GPR89B: variants seen among roughly 807,000 people sequenced by gnomAD.
GPR89B encodes G protein-coupled receptor 89B.
A neutral mutation model predicts 52.4 loss-of-function variants in GPR89B; 25 were observed. That is an observed-to-expected ratio of 0.48 (90% confidence interval 0.35 to 0.67). The LOEUF (loss-of-function observed/expected upper bound fraction) is 0.67, where lower values mean the gene tolerates loss of function less well. Among genes scored for constraint, GPR89B ranks in the 30% least tolerant of loss-of-function variants. The pLI is 0.01. For missense variants in GPR89B, 146 were observed against 450.2 expected (o/e 0.32, Z 6.11); for synonymous variants, 52 against 151.2 (o/e 0.34, Z 4.81).
At chr1:147,991,580 T>C (rs1357510680) in intron 12 of GPR89B, among the ~76,000 whole-genome samples, 1 of 152,164 alleles carries the variant, frequency 6.6e-6, no homozygotes, top group Non-Finnish European at 1.5e-5. Flanking sequence ...ATATTGGCTG[T>C]GGGTTTGTCA....
At chr1:147,994,325 G>C, downstream of GPR89B, 1 of 1,534,148 alleles carries the variant, frequency 6.5e-7, no homozygotes, top group South Asian at 1.1e-5. Context: ...CTTCAGAATT[G>C]GAAGAAGAAT....
intron 10 of GPR89B, among the ~76,000 whole-genome samples, chr1:147,977,332 T>A (rs1657919256): frequency 6.6e-6 from 1 of 151,108 alleles, no homozygotes; most frequent in African/African-American, 2.4e-5. Context: ...GCACTGTTAG[T>A]CTGATGGACT....
chr1:148,017,775 T>TA, the GPR89B span, among the ~76,000 whole-genome samples: 1 of 150,716 alleles, frequency 6.6e-6, no homozygotes, highest in Non-Finnish European at 1.5e-5. Flanking sequence ...TAAAATAAAA[T>TA]AAAGTTAACA....
chr1:148,015,293 A>ATCTCCCTCTC, the GPR89B span, among the ~76,000 whole-genome samples: 125 of 69,872 alleles, frequency 1.8e-3, 2 homozygotes, highest in South Asian at 0.011. Context: ...GGATTCTAGG[A>ATCTCCCTCTC]TCTCTCTCTC....
intron 9 of GPR89B, chr1:147,969,273 T>A (rs1366342996): frequency 5.0e-6 from 2 of 402,926 alleles, no homozygotes; most frequent in African/African-American, 4.1e-5. Flanking sequence ...TACTTTTTAT[T>A]CCTTTATAAG....
chr1:148,014,298 ATCTG>A, the GPR89B span: 1 of 151,886 alleles, frequency 6.6e-6, no homozygotes, highest in Non-Finnish European at 1.5e-5. Flanking sequence ...GAGAGCTCAC[ATCTG>A]TCTGTTCGTA....
At chr1:147,930,766 G>T (rs1259119743) in intron 1 of GPR89B, among the ~76,000 whole-genome samples, 1 of 151,758 alleles carries the variant, frequency 6.6e-6, no homozygotes, top group Non-Finnish European at 1.5e-5. Flanking sequence ...TTATTGATGG[G>T]ACCCTGGCTC....
chr1:147,988,419 GT>G lies in GPR89B; in HGVS notation c.1006-11del. On this transcript the variant is annotated splice_polypyrimidine_tract_variant and intron_variant, in intron 11 of 13. Transcript: ENST00000314163. ...AGAGATTTAGCAGATATTTTTTCTT[GT>G]TATGGTGGCAGGTGAAGTTTTGGTC... The G allele has an allele frequency of 1.9e-6, 2 of 1,043,400 alleles. No homozygotes were observed. Among genetic ancestry groups the G allele is most frequent in the Non-Finnish European group, 3.0e-6 (2 of 663,324 alleles). The allele number at this position is 1,043,400 out of a possible 1,614,324, so 64.6% of individuals were successfully genotyped here.
downstream of GPR89B, chr1:147,995,685 A>G (rs1257870125): frequency 1.2e-5 from 19 of 1,608,342 alleles, no homozygotes; most frequent in Non-Finnish European, 1.5e-5. Flanking sequence ...TCAGCCAGGG[A>G]GGAAACAATA....
intron 7 of GPR89B, among the ~76,000 whole-genome samples, chr1:147,959,324 A>G (rs1471764427): frequency 1.2e-4 from 19 of 152,298 alleles, no homozygotes; most frequent in Middle Eastern, 3.4e-3. Context: ...AATTTCAGCA[A>G]CAGCCACAGC....
chr1:148,009,560 T>G, the GPR89B span: 15 of 1,542,068 alleles, frequency 9.7e-6, no homozygotes, highest in Non-Finnish European at 1.3e-5. Flanking sequence ...GTAAAGTCAC[T>G]GAATTCCCAC....
At chr1:147,947,225 C>T (rs1273047615) in intron 5 of GPR89B, among the ~76,000 whole-genome samples, 1 of 152,014 alleles carries the variant, frequency 6.6e-6, no homozygotes, top group African/African-American at 2.4e-5. Flanking sequence ...ATCCCAGCTA[C>T]TCCCCGGAGG....
intron 9 of GPR89B, chr1:147,969,274 C>G: frequency 2.6e-6 from 1 of 389,858 alleles, no homozygotes; most frequent in South Asian, 3.6e-5. Context: ...ACTTTTTATT[C>G]CTTTATAAGT....
At chr1:147,956,814 T>A (rs1656150799) in intron 7 of GPR89B, among the ~76,000 whole-genome samples, 1 of 151,832 alleles carries the variant, frequency 6.6e-6, no homozygotes, top group African/African-American at 2.4e-5. Flanking sequence ...TTCAGCTCAC[T>A]GCAGCCTCCA....
intron 5 of GPR89B, among the ~76,000 whole-genome samples, chr1:147,948,621 C>CA (rs1558042369): frequency 1.3e-5 from 2 of 151,650 alleles, no homozygotes; most frequent in East Asian, 1.9e-4. Flanking sequence ...ATCACCTAAG[C>CA]AAAAAATGTG....
the GPR89B span, among the ~76,000 whole-genome samples, chr1:148,019,659 C>T: frequency 6.6e-6 from 1 of 151,940 alleles, no homozygotes; most frequent in Non-Finnish European, 1.5e-5. Flanking sequence ...AAATCTATAC[C>T]ACGCTCATTA....
chr1:147,994,145 T>A (rs2149099458), downstream of GPR89B: 1 of 1,036,810 alleles, frequency 9.6e-7, no homozygotes, highest in African/African-American at 1.6e-5. Context: ...AGACAAATGA[T>A]AACAGAAGAC....
chr1:147,973,123 A>G (rs1657595023), intron 10 of GPR89B, among the ~76,000 whole-genome samples: 1 of 151,804 alleles, frequency 6.6e-6, no homozygotes, highest in Non-Finnish European at 1.5e-5. Flanking sequence ...GTGGGCGTAC[A>G]TGTGTATGTA....
chr1:147,938,316 A>G (rs1364140278), intron 2 of GPR89B, among the ~76,000 whole-genome samples: 2 of 151,704 alleles, frequency 1.3e-5, no homozygotes, highest in Non-Finnish European at 2.9e-5. Context: ...TCTTCTGCCC[A>G]ATACTTTAAG....
Sources: gnomAD v4.1 joint callset for allele counts (sites outside exome capture counted in the v4.1 genomes callset) on GRCh38, gnomAD v4.1.1 for gene constraint, MANE v1.5 for transcripts, NCBI Gene and HGNC (gene_info 2026-07-23, HGNC 2026-07-21) for gene names.